DFFA: variants seen among roughly 807,000 people sequenced by gnomAD.
The protein encoded by DFFA is DNA fragmentation factor subunit alpha.
Under a neutral mutation model 28.0 loss-of-function variants are expected in DFFA, and 14 were observed. That is an observed-to-expected ratio of 0.50 (90% CI 0.33 to 0.78). The LOEUF (loss-of-function observed/expected upper bound fraction) is 0.78. DFFA is among the 30% of genes least tolerant of loss of function. The pLI is 0.02. For missense variants in DFFA, 395 were observed against 407.1 expected (o/e 0.97, Z 0.26); for synonymous variants, 158 against 170.3 (o/e 0.93, Z 0.56).
In DFFA at chr1:10,456,884, G is replaced by GT. The variant is rs1640869314; in HGVS notation, c.*4605dup. 1 of 152,150 alleles carries GT rather than the reference G, an allele frequency of 6.6e-6. No individual in the cohort carries two copies. Among genetic ancestry groups the GT allele is most frequent in the Non-Finnish European group, 1.5e-5 (1 of 68,042 alleles). 9.4% of individuals were successfully genotyped at this position (152,150 alleles called of 1,614,324 possible). A position where few individuals can be genotyped will look rare whatever the true frequency, so the allele number is the denominator to read the frequency against. The stretch of plus-strand genomic sequence containing the variant: ...CCCTCTCTCACTCCTATTTTTAGAC[G>GT]TATTGCTGCGCTCCTATGTGTCTAT... On this transcript the variant is annotated 3_prime_UTR_variant, in exon 6 of 6. Coordinates refer to ENST00000377038, the MANE Select transcript of DFFA (RefSeq NM_004401.3).
At chr1:10,466,299 T>G (rs1641021473) in intron 3 of DFFA, among the ~76,000 whole-genome samples, 1 of 152,160 alleles carries the variant, frequency 6.6e-6, no homozygotes, top group Non-Finnish European at 1.5e-5. Context: ...TTCTTCTGCC[T>G]CAGCATCCCG....
rs186030371 is a variant in DFFA, at chr1:10,458,450, T to C, written c.*3040A>G. On this transcript the variant is annotated 3_prime_UTR_variant, in exon 6 of 6. Transcript: ENST00000377038. The stretch of plus-strand genomic sequence containing the variant: ...GCTGAGTAGAAGATCTAAGCCCTTC[T>C]TGAATCACAGGAAAAGGAAACAGTT... 2 of 152,254 alleles carry C rather than the reference T, an allele frequency of 1.3e-5. No individual in the cohort carries two copies. The highest frequency in any genetic ancestry group is 2.1e-4 in the South Asian group (1 of 4,822). The allele number at this position is 152,254 out of a possible 1,614,324, so 9.4% of individuals were successfully genotyped here. A position where few individuals can be genotyped will look rare whatever the true frequency, so the allele number is the denominator to read the frequency against.
intron 3 of DFFA, among the ~76,000 whole-genome samples, chr1:10,466,588 G>C (rs1641026756): frequency 6.6e-6 from 1 of 152,006 alleles, no homozygotes; most frequent in Admixed American, 6.6e-5. Context: ...CTACTCCAAC[G>C]CTACATTCTC....
chr1:10,462,067 C>T (rs187766062), intron 5 of DFFA, among the ~76,000 whole-genome samples: 249 of 152,222 alleles, frequency 1.6e-3, no homozygotes, highest in South Asian at 6.8e-3. Context: ...ACCGTGTTCG[C>T]CAGGATGGTC....
chr1:10,470,955 C>T (rs1641089161), intron 1 of DFFA, among the ~76,000 whole-genome samples: 1 of 144,548 alleles, frequency 6.9e-6, no homozygotes. Flanking sequence ...CCCAGCTACT[C>T]GGGAGGCTGA....
In DFFA at chr1:10,460,698, T is replaced by A. The variant is rs1640917324; in HGVS notation, c.*792A>T. ...GCTCCTGCCACCACGCCCAGCTAGT[T>A]TTTTGTACTTTTAGTAAAAACACGT... On this transcript the variant is annotated 3_prime_UTR_variant, in exon 6 of 6. Transcript: ENST00000377038. 6.6e-6 allele frequency: 1 copy of A among 151,436 alleles called. No homozygotes were observed. Among genetic ancestry groups the A allele is most frequent in the Non-Finnish European group, 1.5e-5 (1 of 67,912 alleles). The allele number at this position is 151,436 out of a possible 1,614,324, so 9.4% of individuals were successfully genotyped here.
Position 10,467,195 on chromosome 1 carries a change from G to A in DFFA, c.436C>T (p.Leu146Phe). The change falls in exon 3 of 6, where the codon CTC becomes TTC. Residue 146 changes from leucine (L) to phenylalanine (F), a missense_variant. Transcript: ENST00000377038. ...SSIILLSEED[L>F]QMLVDAPCSD... The stretch of plus-strand genomic sequence containing the variant: ...GGTTGTGGAGGAGGCTTTACCTGGA[G>A]GTCCTCCTCTGATAGGAGGATGATG... 6.2e-7 allele frequency: 1 copy of A among 1,614,070 alleles called. No homozygotes were observed. The highest frequency in any genetic ancestry group is 1.1e-5 in the South Asian group (1 of 91,078).
At chr1:10,469,460 T>C (rs764000387) in intron 1 of DFFA, 122 bp from the exon 2 acceptor site, 14 of 746,196 alleles carry the variant, frequency 1.9e-5, no homozygotes, top group African/African-American at 3.5e-5. Context: ...ATAACTAGAA[T>C]CACAATCATC....
rs898905169 is a variant in DFFA, at chr1:10,472,266, G to C, written c.136+57C>G. 157 of 1,472,370 alleles carry C rather than the reference G, an allele frequency of 1.1e-4. No individual in the cohort carries two copies. The highest frequency in any genetic ancestry group is 1.4e-4 in the Non-Finnish European group (149 of 1,102,690). 91.2% of individuals were successfully genotyped at this position (1,472,370 alleles called of 1,614,324 possible). ...CTCCTGACCCCGCCTCGCCCCCGCC[G>C]GACGTCCTCACCCGGCCCTGGCTCC... On this transcript the variant is annotated intron_variant, in intron 1 of 5. Transcript: ENST00000377038. This position sits in a 1 kb window ranked among gnomAD's most constrained non-coding sequence, Gnocchi z 5.0.
At position 10,461,923 on chromosome 1, in the gene DFFA, C is replaced by T. The variant is rs186868469; in HGVS notation, c.784-221G>A. The T allele has an allele frequency of 1.2e-4, 111 of 922,032 alleles. 1 individual carries two copies. The highest frequency in any genetic ancestry group is 4.3e-4 in the Admixed American group (7 of 16,182). The allele number at this position is 922,032 out of a possible 1,614,324, so 57.1% of individuals were successfully genotyped here. A position where few individuals can be genotyped will look rare whatever the true frequency, so the allele number is the denominator to read the frequency against. On this transcript the variant is annotated intron_variant, in intron 5 of 5. Transcript: ENST00000377038. ...AGGCTGGAGTGCAGTGACACTATCT[C>T]GGCTCCCTGCAAGCTCCGCCTCCCG... is the stretch of plus-strand genomic sequence containing the variant.
rs1392783979 is a variant in DFFA, at chr1:10,458,767, C to T, written c.*2723G>A. On this transcript the variant is annotated 3_prime_UTR_variant, in exon 6 of 6. Coordinates refer to ENST00000377038, the MANE Select transcript of DFFA (RefSeq NM_004401.3). ...GGCCAGGCTGGTCTCAAACTCCTGA[C>T]CTCAGGTGATCCATCTGCCTTGGCC... The T allele has an allele frequency of 6.6e-6, 1 of 152,160 alleles. No homozygotes were observed. The highest frequency in any genetic ancestry group is 1.5e-5 in the Non-Finnish European group (1 of 68,068). 9.4% of individuals were successfully genotyped at this position (152,160 alleles called of 1,614,324 possible). A position where few individuals can be genotyped will look rare whatever the true frequency, so the allele number is the denominator to read the frequency against.
At chr1:10,461,727 A>AG in intron 5 of DFFA, 25 bp from the exon 6 acceptor site, 1 of 1,612,150 alleles carries the variant, frequency 6.2e-7, no homozygotes, top group Non-Finnish European at 8.5e-7. Flanking sequence ...AAAACCCCTG[A>AG]GAACTGGGCC....
rs1640941145 is a variant in DFFA, at chr1:10,461,624, C to G, written c.862G>C (p.Ala288Pro). ...DIKKTETVQE[A>P]CERELALRLQ... ...CGCAGGGCGAGCTCCCGCTCACAGG[C>G]CTCCTGAACAGTCTCCGTCTTCTTT... is the stretch of plus-strand genomic sequence containing the variant. Residue 288 changes from alanine (A) to proline (P), a missense_variant, in exon 6 of 6, where the codon GCC (alanine) becomes CCC (proline). Coordinates refer to ENST00000377038, the MANE Select transcript of DFFA (RefSeq NM_004401.3). 1 of 1,614,102 alleles carries G rather than the reference C, an allele frequency of 6.2e-7. No homozygotes were observed. Among genetic ancestry groups the G allele is most frequent in the Non-Finnish European group, 8.5e-7 (1 of 1,180,046 alleles).
At chr1:10,461,950 A>G (rs371531170) in intron 5 of DFFA, 8 of 708,090 alleles carry the variant, frequency 1.1e-5, no homozygotes, top group Middle Eastern at 7.1e-4. Flanking sequence ...CGCCTCCCGG[A>G]TTCACGCCAT....
At chr1:10,462,964 A>G (rs888310102) in intron 5 of DFFA, 94 bp downstream of exon 5, 10 of 1,575,558 alleles carry the variant, frequency 6.3e-6, no homozygotes, top group Non-Finnish European at 8.7e-6. Context: ...CAGTCTGCAG[A>G]GGTGAACAAA....
intron 1 of DFFA, among the ~76,000 whole-genome samples, chr1:10,469,578 T>C (rs576287906): frequency 6.6e-6 from 1 of 152,280 alleles, no homozygotes; most frequent in South Asian, 2.1e-4. Flanking sequence ...TGCAGTGCAC[T>C]GGCGCGATCT....
In DFFA at chr1:10,461,261, G is replaced by A. The variant is rs1640930374; in HGVS notation, c.*229C>T. ...AACATCATATGTAATTAGAGGAGGC[G>A]GGATATTGTTGGTGCAGCTATATCA... is the stretch of plus-strand genomic sequence containing the variant. On this transcript the variant is annotated 3_prime_UTR_variant, in exon 6 of 6. Transcript: ENST00000377038. The A allele has an allele frequency of 3.5e-6, 2 of 564,276 alleles. No homozygotes were observed. The highest frequency in any genetic ancestry group is 6.1e-6 in the Non-Finnish European group (2 of 325,512). The allele number at this position is 564,276 out of a possible 1,614,324, so 35.0% of individuals were successfully genotyped here.
At chr1:10,466,752 G>A (rs1475128906) in intron 3 of DFFA, among the ~76,000 whole-genome samples, 1 of 151,612 alleles carries the variant, frequency 6.6e-6, no homozygotes, top group Non-Finnish European at 1.5e-5. Flanking sequence ...CTTGAACTCA[G>A]GAGCAGCCTG....
chr1:10,458,875 GAC>G lies in DFFA; in HGVS notation c.*2613_*2614del, dbSNP rs1413486408. 2.1e-5 allele frequency: 3 copies of G among 142,342 alleles called. No individual in the cohort carries two copies. The highest frequency in any genetic ancestry group is 5.2e-5 in the African/African-American group (2 of 38,100). 8.8% of individuals were successfully genotyped at this position (142,342 alleles called of 1,614,324 possible). A position where few individuals can be genotyped will look rare whatever the true frequency, so the allele number is the denominator to read the frequency against. ...TGTGATATTTCTTTCTTTTTTGTGT[GAC>G]AGTGTCTCACTCTGTTGCAGGCTGG... is the stretch of plus-strand genomic sequence containing the variant. On this transcript the variant is annotated 3_prime_UTR_variant, in exon 6 of 6. Coordinates refer to ENST00000377038, the MANE Select transcript of DFFA (RefSeq NM_004401.3).
Sources: allele counts gnomAD v4.1 joint callset (sites outside exome capture counted in the v4.1 genomes callset), GRCh38; gene constraint gnomAD v4.1.1; non-coding constraint Gnocchi (gnomAD v3.1); transcripts MANE v1.5; gene names NCBI Gene and HGNC (gene_info 2026-07-23, HGNC 2026-07-21).